Variants in PTPDC1 observed in about 807,000 individuals in gnomAD.
PTPDC1 encodes protein tyrosine phosphatase domain-containing protein 1.
PTPDC1 carries 53 observed loss-of-function variants against 75.3 expected under a neutral mutation model. That is an observed-to-expected ratio of 0.70 (90% confidence interval 0.56 to 0.88). PTPDC1 has a LOEUF of 0.88. PTPDC1 is among the 40% of genes least tolerant of loss of function. The pLI, the probability that PTPDC1 is intolerant of heterozygous loss-of-function variation, is 0.00. For missense variants in PTPDC1, 925 were observed against 998.6 expected (o/e 0.93, Z 0.99); for synonymous variants, 349 against 366.2 (o/e 0.95, Z 0.54).
At chr9:94,070,866 T>C (rs1826492124) in intron 2 of PTPDC1, among the ~76,000 whole-genome samples, 1 of 152,162 alleles carries the variant, frequency 6.6e-6, no homozygotes, top group Non-Finnish European at 1.5e-5. Flanking sequence ...TATTGCTGAG[T>C]AGTATTCCGT....
chr9:94,058,743 T>G (rs186459087), intron 1 of PTPDC1, among the ~76,000 whole-genome samples: 1 of 144,630 alleles, frequency 6.9e-6, no homozygotes, highest in African/African-American at 2.6e-5. Context: ...ACCCCGGACA[T>G]TTTGGGAGGC....
intron 5 of PTPDC1, 23 bp downstream of exon 5, chr9:94,095,477 T>C (rs2118049410): frequency 6.3e-7 from 1 of 1,579,802 alleles, no homozygotes; most frequent in South Asian, 1.2e-5. Flanking sequence ...AGGTGGTTTA[T>C]TGCCTGTAGG....
At chr9:94,033,190 C>T (rs879849858) in intron 1 of PTPDC1, among the ~76,000 whole-genome samples, 3 of 152,040 alleles carry the variant, frequency 2.0e-5, no homozygotes, top group Non-Finnish European at 2.9e-5. Context: ...CCAACAACTG[C>T]CTCAAAGTCC....
At chr9:94,070,018 G>A (rs1826457943) in intron 2 of PTPDC1, among the ~76,000 whole-genome samples, 1 of 149,864 alleles carries the variant, frequency 6.7e-6, no homozygotes, top group Non-Finnish European at 1.5e-5. Context: ...TAGAGATGGG[G>A]TTTCACCGGT....
At chr9:94,037,404 C>G (rs1264100745) in intron 1 of PTPDC1, among the ~76,000 whole-genome samples, 1 of 151,926 alleles carries the variant, frequency 6.6e-6, no homozygotes, top group East Asian at 1.9e-4. Flanking sequence ...TAAAAACCAC[C>G]CATAATCCAC....
intron 1 of PTPDC1, among the ~76,000 whole-genome samples, chr9:94,057,679 A>G (rs1227749563): frequency 6.6e-6 from 1 of 152,246 alleles, no homozygotes; most frequent in Non-Finnish European, 1.5e-5. Context: ...CATATAGCTG[A>G]CAGTGAACAG....
At chr9:94,049,220 G>C (rs530826341) in intron 1 of PTPDC1, among the ~76,000 whole-genome samples, 3 of 152,114 alleles carry the variant, frequency 2.0e-5, no homozygotes, top group Non-Finnish European at 2.9e-5. Flanking sequence ...GGTTAATATT[G>C]TTATGTGTGA....
chr9:94,096,021 A>G (rs776536118), intron 5 of PTPDC1, among the ~76,000 whole-genome samples: 1 of 152,160 alleles, frequency 6.6e-6, no homozygotes, highest in East Asian at 1.9e-4. Flanking sequence ...TTTTGGAGGT[A>G]TAAGGATTTT....
At chr9:94,074,767 G>T (rs1435953703) in intron 2 of PTPDC1, among the ~76,000 whole-genome samples, 2 of 152,156 alleles carry the variant, frequency 1.3e-5, no homozygotes, top group South Asian at 2.1e-4. Flanking sequence ...CAGCAGCAGG[G>T]ACGTGAATAC....
At chr9:94,062,030 A>G (rs1185239706) in intron 1 of PTPDC1, among the ~76,000 whole-genome samples, 4 of 152,166 alleles carry the variant, frequency 2.6e-5, no homozygotes, top group South Asian at 2.1e-4. Flanking sequence ...CCTTTTAAAT[A>G]TAAGTTTTAG....
chr9:94,100,919 G>A (rs1827813569), intron 6 of PTPDC1: 1 of 152,130 alleles, frequency 6.6e-6, no homozygotes, highest in Admixed American at 6.5e-5. Flanking sequence ...GGCATTTGGA[G>A]TATTAGAAAA....
rs1292291347 is a variant in PTPDC1 at position 94,088,161 on chromosome 9, A to G, written c.514A>G (p.Ile172Val). 6.2e-7 allele frequency: 1 copy of G among 1,613,688 alleles called. No homozygotes were observed. The highest frequency in any genetic ancestry group is 8.5e-7 in the Non-Finnish European group (1 of 1,179,898). The change falls in exon 4 of 9, where the codon ATA becomes GTA. Residue 172 changes from isoleucine (I) to valine (V), a missense_variant. Coordinates refer to ENST00000620992, the MANE Select transcript of PTPDC1 (RefSeq NM_001253829.2). ...TCCTTTAAGCCATGGCATAAAAACA[A>G]TAATCAACCTCCAGCGCCCTGGTGA... ...DQFLSHGIKT[I>V]INLQRPGEHA...
intron 7 of PTPDC1, among the ~76,000 whole-genome samples, chr9:94,103,152 T>C (rs1399410081): frequency 6.6e-6 from 1 of 152,224 alleles, no homozygotes; most frequent in Admixed American, 6.5e-5. Context: ...ACCACAGTTA[T>C]GCAATACATA....
At chr9:94,085,544 C>A in intron 2 of PTPDC1, 122 bp downstream of exon 2, 3 of 1,005,348 alleles carry the variant, frequency 3.0e-6, no homozygotes, top group Non-Finnish European at 4.4e-6. Context: ...CCTCACTTTG[C>A]CAGTCAGTTC....
At chr9:94,095,184 C>T in intron 4 of PTPDC1, 133 bp from the exon 5 acceptor site, 1 of 590,296 alleles carries the variant, frequency 1.7e-6, no homozygotes, top group East Asian at 2.9e-5. Context: ...TAAAATCCCT[C>T]TTATTTTATG....
chr9:94,040,733 T>C (rs867003749), intron 1 of PTPDC1, among the ~76,000 whole-genome samples: 1 of 152,156 alleles, frequency 6.6e-6, no homozygotes, highest in Non-Finnish European at 1.5e-5. Flanking sequence ...TTTATAGAAA[T>C]TTTTACCATT....
At chr9:94,069,864 G>A (rs1223427325) in intron 2 of PTPDC1, among the ~76,000 whole-genome samples, 15 of 123,124 alleles carry the variant, frequency 1.2e-4, no homozygotes, top group Admixed American at 1.1e-3. Flanking sequence ...TCGCTCTGTC[G>A]CCCAGGCTGG....
chr9:94,043,106 G>T (rs1041431766), intron 1 of PTPDC1, among the ~76,000 whole-genome samples: 1 of 152,176 alleles, frequency 6.6e-6, no homozygotes, highest in Non-Finnish European at 1.5e-5. Context: ...AGTCATCCAT[G>T]AGGGCTGGAA....
upstream of PTPDC1, among the ~76,000 whole-genome samples, chr9:94,080,030 TC>T (rs1406947762): frequency 6.6e-6 from 1 of 152,106 alleles, no homozygotes; most frequent in Non-Finnish European, 1.5e-5. Context: ...ATTAGAACAT[TC>T]CCAGGCATCA....
Sources: allele counts gnomAD v4.1 joint callset (sites outside exome capture counted in the v4.1 genomes callset), GRCh38; gene constraint gnomAD v4.1.1; transcripts MANE v1.5; gene names NCBI Gene and HGNC (gene_info 2026-07-23, HGNC 2026-07-21).